ALCAM: variants seen among roughly 807,000 people sequenced by gnomAD.
ALCAM encodes the protein CD166 antigen.
A neutral mutation model predicts 70.9 loss-of-function variants in ALCAM; 30 were observed. That is an observed-to-expected ratio of 0.42 (90% CI 0.32 to 0.57). ALCAM has a LOEUF of 0.57. Among genes scored for constraint, ALCAM ranks in the 20% least tolerant of loss-of-function variants. ALCAM has a pLI of 0.11. For synonymous variants in ALCAM, 249 were observed against 242.5 expected (o/e 1.03, Z -0.25); for missense variants, 591 against 695.1 (o/e 0.85, Z 1.68).
intron 1 of ALCAM, among the ~76,000 whole-genome samples, chr3:105,476,803 T>C (rs1938125970): frequency 2.0e-5 from 3 of 152,076 alleles, no homozygotes; most frequent in Admixed American, 2.0e-4. Context: ...ATGTCTAAAA[T>C]GTTTCAAATG....
rs1936999768 is a variant in ALCAM, at chr3:105,434,199, A to C, written c.73+66718A>C. Among the ~76,000 whole-genome samples, 2 of 152,310 alleles carry C rather than the reference A, an allele frequency of 1.3e-5. 1 individual carries two copies. The highest frequency in any genetic ancestry group is 4.1e-4 in the South Asian group (2 of 4,834). On this transcript the variant is annotated intron_variant, in intron 1 of 15. Coordinates refer to ENST00000306107, the MANE Select transcript of ALCAM (RefSeq NM_001627.4). ...GGAACTAATAATGTGTTGTGCTAAC[A>C]CAGAGCTTTTCATCCAAGAACTTCA... is the stretch of plus-strand genomic sequence containing the variant.
chr3:105,460,457 A>G (rs1937587891), intron 1 of ALCAM, among the ~76,000 whole-genome samples: 2 of 152,134 alleles, frequency 1.3e-5, no homozygotes, highest in Non-Finnish European at 1.5e-5. Flanking sequence ...GTGCTATTTC[A>G]TAGGCTTTAA....
At chr3:105,501,602 T>G (rs1938923920) in intron 1 of ALCAM, among the ~76,000 whole-genome samples, 2 of 152,160 alleles carry the variant, frequency 1.3e-5, no homozygotes, top group Non-Finnish European at 2.9e-5. Context: ...GAAAATAATA[T>G]CTGAGTGATC....
intron 1 of ALCAM, among the ~76,000 whole-genome samples, chr3:105,442,706 G>A (rs903166568): frequency 6.6e-5 from 10 of 152,084 alleles, no homozygotes; most frequent in Admixed American, 2.6e-4. Flanking sequence ...ATGTGAACCC[G>A]GGAGGCGGAG....
intron 1 of ALCAM, among the ~76,000 whole-genome samples, chr3:105,498,595 C>T (rs550977303): frequency 2.0e-5 from 3 of 152,122 alleles, no homozygotes; most frequent in South Asian, 2.1e-4. Context: ...AGGTATTAGT[C>T]TTGTTCCATT....
intron 1 of ALCAM, among the ~76,000 whole-genome samples, chr3:105,421,667 A>G (rs1467391489): frequency 6.6e-6 from 1 of 151,506 alleles, no homozygotes; most frequent in Non-Finnish European, 1.5e-5. Context: ...CATGGCATTC[A>G]AAGTGGATCT....
At chr3:105,572,923 G>T (rs1436376292) in intron 15 of ALCAM, among the ~76,000 whole-genome samples, 2 of 152,168 alleles carry the variant, frequency 1.3e-5, no homozygotes, top group East Asian at 3.8e-4. Flanking sequence ...AACTTTAAGT[G>T]CAAAGAAGCT....
chr3:105,576,827 T>G lies in ALCAM; in HGVS notation c.*2376T>G, dbSNP rs564837453. The G allele has an allele frequency of 6.6e-6, 1 of 152,298 alleles. No individual in the cohort carries two copies. Among genetic ancestry groups the G allele is most frequent in the South Asian group, 2.1e-4 (1 of 4,824 alleles). 9.4% of individuals were successfully genotyped at this position (152,298 alleles called of 1,614,324 possible). On this transcript the variant is annotated 3_prime_UTR_variant, in exon 16 of 16. Coordinates refer to ENST00000306107, the MANE Select transcript of ALCAM (RefSeq NM_001627.4). ...AAGGTTCACTCCCTATATGTGATTATAGGAATTGTTTGTGGAAATGGATTA... is the reference window on the plus strand; with the variant it reads ...AAGGTTCACTCCCTATATGTGATTAGAGGAATTGTTTGTGGAAATGGATTA...
intron 1 of ALCAM, among the ~76,000 whole-genome samples, chr3:105,465,519 T>C (rs1284389882): frequency 6.6e-6 from 1 of 151,440 alleles, no homozygotes; most frequent in African/African-American, 2.4e-5. Context: ...ACATTTCTGC[T>C]CACTGATTAT....
intron 6 of ALCAM, among the ~76,000 whole-genome samples, chr3:105,539,637 A>G (rs1940066178): frequency 6.6e-6 from 1 of 152,100 alleles, no homozygotes; most frequent in Non-Finnish European, 1.5e-5. Context: ...TTCATATAAT[A>G]TATAATTAAA....
At chr3:105,408,555 T>C (rs1936306489) in intron 1 of ALCAM, among the ~76,000 whole-genome samples, 1 of 152,146 alleles carries the variant, frequency 6.6e-6, no homozygotes, top group East Asian at 1.9e-4. Context: ...CAACTCAAGA[T>C]GGATCAAAGA....
At chr3:105,525,860 GAATCA>G (rs1275518411) in intron 3 of ALCAM, among the ~76,000 whole-genome samples, 2 of 152,310 alleles carry the variant, frequency 1.3e-5, no homozygotes, top group East Asian at 3.9e-4. Flanking sequence ...ATCGTTGTAT[GAATCA>G]AACCAAGTGC....
At chr3:105,549,254 C>T (rs183768914) in intron 11 of ALCAM, among the ~76,000 whole-genome samples, 185 of 151,454 alleles carry the variant, frequency 1.2e-3, no homozygotes, top group Middle Eastern at 6.8e-3. Context: ...TATTTGTTCC[C>T]TTCTCAGATA....
chr3:105,423,567 A>G (rs1936721416), intron 1 of ALCAM, among the ~76,000 whole-genome samples: 1 of 150,340 alleles, frequency 6.7e-6, no homozygotes, highest in Non-Finnish European at 1.5e-5. Flanking sequence ...GTTTCTGCCT[A>G]ATTCTCCTCC....
At chr3:105,482,398 C>T (rs530081751) in intron 1 of ALCAM, among the ~76,000 whole-genome samples, 1 of 152,190 alleles carries the variant, frequency 6.6e-6, no homozygotes, top group South Asian at 2.1e-4. Flanking sequence ...GTGTGAACCA[C>T]CATTCCTGGC....
intron 1 of ALCAM, among the ~76,000 whole-genome samples, chr3:105,435,256 G>T (rs1250509067): frequency 1.3e-5 from 2 of 152,172 alleles, no homozygotes; most frequent in Non-Finnish European, 1.5e-5. Context: ...CCTATAGTCA[G>T]CAGTGCTGAA....
intron 8 of ALCAM, among the ~76,000 whole-genome samples, chr3:105,543,630 A>G (rs764477124): frequency 5.9e-5 from 9 of 151,608 alleles, no homozygotes; most frequent in Non-Finnish European, 1.2e-4. Context: ...ACAGCCTACA[A>G]ATTCCTAGTT....
intron 3 of ALCAM, among the ~76,000 whole-genome samples, chr3:105,525,566 T>C (rs1939682437): frequency 6.6e-6 from 1 of 152,156 alleles, no homozygotes; most frequent in Non-Finnish European, 1.5e-5. Context: ...ATTATTAAAA[T>C]AAATAGGGAA....
intron 1 of ALCAM, among the ~76,000 whole-genome samples, chr3:105,408,355 C>T (rs1313261926): frequency 6.6e-6 from 1 of 152,054 alleles, no homozygotes; most frequent in African/African-American, 2.4e-5. Context: ...AAAATAGGCA[C>T]ATAGAACAAT....
Sources: gnomAD v4.1 joint callset for allele counts (sites outside exome capture counted in the v4.1 genomes callset) on GRCh38, gnomAD v4.1.1 for gene constraint, MANE v1.5 for transcripts, NCBI Gene and HGNC (gene_info 2026-07-23, HGNC 2026-07-21) for gene names.